The following RCBTB2 variants were observed in gnomAD, a reference collection of about 807,000 sequenced individuals.
RCBTB2 encodes the protein RCC1 and BTB domain containing protein 2.
RCBTB2 carries 55 observed loss-of-function variants against 65.4 expected under a neutral mutation model. The observed-to-expected ratio is 0.84, with a 90% confidence interval of 0.68 to 1.05. The LOEUF (loss-of-function observed/expected upper bound fraction) is 1.05. RCBTB2 is among the 50% of genes least tolerant of loss of function. The pLI is 0.00. For synonymous variants in RCBTB2, 220 were observed against 255.2 expected (o/e 0.86, Z 1.31); for missense variants, 599 against 680.1 (o/e 0.88, Z 1.33).
chr13:48,532,742 C>T (rs1478568544), intron 1 of RCBTB2: 2 of 300,588 alleles, frequency 6.7e-6, no homozygotes, highest in African/African-American at 4.7e-5. Flanking sequence ...CGGGCCCACG[C>T]CAGCGGAATT....
At position 48,490,064 on chromosome 13, in the gene RCBTB2, T is replaced by C; in HGVS notation, c.*47A>G. On this transcript the variant is annotated 3_prime_UTR_variant, in exon 15 of 15. Coordinates refer to ENST00000344532, the MANE Select transcript of RCBTB2 (RefSeq NM_001268.4). ...TAAAGAGAAGTGATTCATCTCTGGC[T>C]TTTGCAGGGGAAATGGAAAGGCTCA... is the stretch of plus-strand genomic sequence containing the variant. The C allele has an allele frequency of 1.2e-6, 2 of 1,606,654 alleles. No homozygotes were observed. The highest frequency in any genetic ancestry group is 1.7e-6 in the Non-Finnish European group (2 of 1,173,752).
chr13:48,496,311 G>T lies in RCBTB2; in HGVS notation c.1395C>A (p.Asp465Glu). 1 of 1,576,738 alleles carries T rather than the reference G, an allele frequency of 6.3e-7. No homozygotes were observed. The highest frequency in any genetic ancestry group is 8.6e-7 in the Non-Finnish European group (1 of 1,162,038). ...LSPEEAVGLLDLATFYRENRL... is the reference protein window; with the variant it reads ...LSPEEAVGLLELATFYRENRL... ...GATTTTCTCTATAAAATGTAGCCAA[G>T]TCTAGCAGTCCTGGCGGAAAGAGGT... The change falls in exon 14 of 15, where the codon GAC becomes GAA. Residue 465 changes from aspartate to glutamate, a missense_variant. By Grantham distance (45) the Asp-to-Glu change is conservative (BLOSUM62 2). Transcript: ENST00000344532.
rs754541097 is a variant in RCBTB2, at chr13:48,510,702, A to T, written c.853T>A (p.Ser285Thr). ...TTGCCAGTGCCCAACTGCCCATAAG[A>T]ATTGGCGCCCCAAGCATACACTTGG... The part of the protein sequence containing the change: ...EGQVYAWGAN[S>T]YGQLGTGNKS... The change falls in exon 10 of 15, where the codon TCT becomes ACT. Residue 285 changes from serine (S) to threonine (T), a missense_variant. Coordinates refer to ENST00000344532, the MANE Select transcript of RCBTB2 (RefSeq NM_001268.4). 6.1e-5 allele frequency: 99 copies of T among 1,614,036 alleles called. 2 individuals are homozygous for T. The highest frequency in any genetic ancestry group is 4.9e-4 in the Middle Eastern group (3 of 6,084).
At chr13:48,535,601 C>T, upstream of RCBTB2, 1 of 453,004 alleles carries the variant, frequency 2.2e-6, no homozygotes, top group South Asian at 1.6e-5. Flanking sequence ...TTTGCCCCTA[C>T]CCCTCCATTG....
intron 1 of RCBTB2, among the ~76,000 whole-genome samples, chr13:48,526,210 T>C (rs1217891885): frequency 6.6e-6 from 1 of 152,146 alleles, no homozygotes; most frequent in Non-Finnish European, 1.5e-5. Flanking sequence ...TGAAAACTCA[T>C]AAACTATAAT....
chr13:48,515,422 C>A, intron 5 of RCBTB2, 67 bp from the exon 6 acceptor site: 2 of 1,494,646 alleles, frequency 1.3e-6, no homozygotes, highest in South Asian at 2.5e-5. Context: ...TACATCCAAA[C>A]AGGAATCATC....
rs777039733 is a variant in RCBTB2, at chr13:48,510,653, G to A, written c.902C>T (p.Thr301Ile). The change falls in exon 10 of 15, where the codon ACT becomes ATT. Residue 301 changes from threonine (T) to isoleucine (I), a missense_variant. Transcript: ENST00000344532. ...TGNKSNQSYP[T>I]PVTVEKDRII... Reference sequence around the variant, plus strand: ...CCTGTCCTTTTCCACAGTGACAGGAGTAGGATAGGACTGGTTGCTTTTATT... The same window carrying A: ...CCTGTCCTTTTCCACAGTGACAGGAATAGGATAGGACTGGTTGCTTTTATT... The A allele has an allele frequency of 6.2e-7, 1 of 1,614,190 alleles. No individual in the cohort carries two copies. The highest frequency in any genetic ancestry group is 1.1e-5 in the South Asian group (1 of 91,080).
chr13:48,496,285 C>T lies in RCBTB2; in HGVS notation c.1421G>A (p.Arg474His), dbSNP rs140595889. 1.0e-5 allele frequency: 16 copies of T among 1,587,504 alleles called. No individual in the cohort carries two copies. The highest frequency in any genetic ancestry group is 6.8e-5 in the African/African-American group (5 of 73,610). Residue 474 changes from arginine to histidine, a missense_variant, in exon 14 of 15, where the codon CGT becomes CAT. Coordinates refer to ENST00000344532, the MANE Select transcript of RCBTB2 (RefSeq NM_001268.4). ...AGTTTGTTGGCAGAGCTTTTTCAAA[C>T]GATTTTCTCTATAAAATGTAGCCAA... ...LDLATFYREN[R>H]LKKLCQQTIK...
At chr13:48,502,316 C>G (rs1209483314) in intron 11 of RCBTB2, among the ~76,000 whole-genome samples, 1 of 152,090 alleles carries the variant, frequency 6.6e-6, no homozygotes, top group Non-Finnish European at 1.5e-5. Flanking sequence ...CACAGAGAGA[C>G]CCCACCTCCA....
chr13:48,518,087 T>G (rs1317121233), intron 4 of RCBTB2, among the ~76,000 whole-genome samples: 1 of 152,192 alleles, frequency 6.6e-6, no homozygotes. Context: ...CTGAGAGATA[T>G]CAAGGGAGCA....
intron 4 of RCBTB2, among the ~76,000 whole-genome samples, chr13:48,518,297 A>G (rs949945308): frequency 6.6e-6 from 1 of 151,984 alleles, no homozygotes; most frequent in Admixed American, 6.5e-5. Flanking sequence ...CCTGATGCCA[A>G]ATCTAGTCAT....
At position 48,502,719 on chromosome 13, in the gene RCBTB2, C is replaced by T. The variant is rs760461548; in HGVS notation, c.1117+5G>A. 1 of 1,605,302 alleles carries T rather than the reference C, an allele frequency of 6.2e-7. No individual in the cohort carries two copies. The highest frequency in any genetic ancestry group is 1.1e-5 in the South Asian group (1 of 90,298). On this transcript the variant is annotated splice_donor_5th_base_variant and intron_variant, in intron 11 of 14. Transcript: ENST00000344532. ...CATCCCCCAAATGGACAGTGACCAG[C>T]TTACCCACGGAGAGGAGGCGCCACG...
rs139289423 is a variant in RCBTB2, at chr13:48,510,209, T to C, written c.926+420A>G. Among the ~76,000 whole-genome samples the C allele has an allele frequency of 2.5e-3, 387 of 152,334 alleles. 2 individuals are homozygous for C. The highest frequency in any genetic ancestry group is 8.8e-3 in the African/African-American group (364 of 41,574). On this transcript the variant is annotated intron_variant, in intron 10 of 14. Coordinates refer to ENST00000344532, the MANE Select transcript of RCBTB2 (RefSeq NM_001268.4). ...ATCCTTCTCAACTGGCAAATTTCCA[T>C]GTAGCTGAGTGACCAGCTTTATACC...
chr13:48,493,225 T>TCACACACACACA (rs3085589), intron 14 of RCBTB2, among the ~76,000 whole-genome samples: 2,291 of 109,018 alleles, frequency 0.021, 138 homozygotes, highest in African/African-American at 0.086. Context: ...GTACCCTCCT[T>TCACACACACACA]CACACACACA....
At chr13:48,496,374 C>A in intron 13 of RCBTB2, 53 bp from the exon 14 acceptor site, 1 of 1,470,756 alleles carries the variant, frequency 6.8e-7, no homozygotes, top group East Asian at 2.4e-5. Context: ...TCCTGATTTA[C>A]AGTTGCTCAC....
chr13:48,510,697 A>G lies in RCBTB2; in HGVS notation c.858T>C (p.Tyr286=), dbSNP rs751455901. 22 of 1,614,110 alleles carry G rather than the reference A, an allele frequency of 1.4e-5. No individual in the cohort carries two copies. Among genetic ancestry groups the G allele is most frequent in the Admixed American group, 8.3e-5 (5 of 60,008 alleles). Residue 286 remains tyrosine, a synonymous_variant, in exon 10 of 15, where the codon TAT becomes TAC. Transcript: ENST00000344532. ...GQVYAWGANS[Y]GQLGTGNKSN... Reference sequence around the variant, plus strand: ...TTTTATTGCCAGTGCCCAACTGCCCATAAGAATTGGCGCCCCAAGCATACA... The same window carrying G: ...TTTTATTGCCAGTGCCCAACTGCCCGTAAGAATTGGCGCCCCAAGCATACA...
intron 14 of RCBTB2, among the ~76,000 whole-genome samples, chr13:48,491,965 T>C (rs949838234): frequency 5.9e-5 from 9 of 152,154 alleles, no homozygotes; most frequent in Non-Finnish European, 1.5e-5. Context: ...AGTTAAAGAA[T>C]TGTAGTCTAT....
At chr13:48,524,962 C>T (rs1951629329) in intron 1 of RCBTB2, among the ~76,000 whole-genome samples, 1 of 151,976 alleles carries the variant, frequency 6.6e-6, no homozygotes, top group South Asian at 2.1e-4. Flanking sequence ...TTTAGAATAT[C>T]ATACTTTATA....
At chr13:48,524,306 T>C (rs1218475582) in intron 2 of RCBTB2, among the ~76,000 whole-genome samples, 1 of 152,234 alleles carries the variant, frequency 6.6e-6, no homozygotes, top group East Asian at 1.9e-4. Flanking sequence ...CAGAAAGCCA[T>C]ATCCATGATG....
Sources: allele counts gnomAD v4.1 joint callset (sites outside exome capture counted in the v4.1 genomes callset), GRCh38; gene constraint gnomAD v4.1.1; transcripts MANE v1.5; gene names NCBI Gene and HGNC (gene_info 2026-07-23, HGNC 2026-07-21).